GBF1: variants seen among roughly 807,000 people sequenced by gnomAD.
The protein encoded by GBF1 is golgi brefeldin A resistant guanine nucleotide exchange factor 1.
Under a neutral mutation model 210.5 loss-of-function variants are expected in GBF1, and 114 were observed. The ratio of observed to expected loss-of-function variants is 0.54; its 90% CI spans 0.47 to 0.63. GBF1 has a LOEUF of 0.63. Among genes scored for constraint, GBF1 ranks in the 30% least tolerant of loss-of-function variants. The pLI is 0.00. For missense variants in GBF1, 1,851 were observed against 2,357.7 expected, an observed-to-expected ratio of 0.79 and a Z score of 4.45; for synonymous variants, 850 against 889.2, an observed-to-expected ratio of 0.96 and a Z score of 0.78.
chr10:102,366,391 G>A lies in GBF1; in HGVS notation c.2318G>A (p.Ser773Asn). ...CCTTTCTTTCCCTATAGCACCTTCA[G>A]TTTTCAGGGTCTGCGACTGGACGAA... is the stretch of plus-strand genomic sequence containing the variant. ...DLLESFVSTF[S>N]FQGLRLDEAL... The change falls in exon 19 of 40, where the codon AGT becomes AAT. Residue 773 changes from serine to asparagine, a missense_variant. Around this residue, in one of 3 missense-constraint regions of GBF1, gnomAD observed 804 missense variants for 958.6 expected, o/e 0.84. Coordinates refer to ENST00000369983, the MANE Select transcript of GBF1 (RefSeq NM_001377137.1). The surrounding 1 kb of genome is among the most constrained non-coding windows in gnomAD (Gnocchi z 4.0). 2 of 1,614,060 alleles carry A rather than the reference G, an allele frequency of 1.2e-6. No homozygotes were observed. The highest frequency in any genetic ancestry group is 2.2e-5 in the South Asian group (2 of 91,082).
intron 3 of GBF1, among the ~76,000 whole-genome samples, chr10:102,296,383 A>G (rs555375115): frequency 6.6e-6 from 1 of 152,288 alleles, no homozygotes; most frequent in Non-Finnish European, 1.5e-5. Context: ...GATGATAGGG[A>G]TAAGAGATTC....
At chr10:102,272,458 T>C (rs1184259024) in intron 3 of GBF1, among the ~76,000 whole-genome samples, 4 of 152,216 alleles carry the variant, frequency 2.6e-5, no homozygotes, top group African/African-American at 9.6e-5. Context: ...GACTGCCATA[T>C]CTCCTAATTT....
At chr10:102,373,873 G>A (rs2060346501) in intron 29 of GBF1, among the ~76,000 whole-genome samples, 1 of 152,084 alleles carries the variant, frequency 6.6e-6, no homozygotes, top group Non-Finnish European at 1.5e-5. Context: ...AACTGGAATC[G>A]GCCCAGATGA....
intron 3 of GBF1, among the ~76,000 whole-genome samples, chr10:102,323,570 T>C (rs1052604014): frequency 4.0e-5 from 6 of 151,572 alleles, no homozygotes; most frequent in African/African-American, 9.7e-5. Context: ...CACTTTTTTT[T>C]CTGTCTTTTT....
At chr10:102,295,546 T>C (rs1333329441) in intron 3 of GBF1, among the ~76,000 whole-genome samples, 2 of 152,150 alleles carry the variant, frequency 1.3e-5, no homozygotes, top group African/African-American at 4.8e-5. Flanking sequence ...TGAAATGATA[T>C]GATAGGCAAG....
In GBF1 at chr10:102,358,770, T is replaced by C. The variant is rs1337352467; in HGVS notation, c.1011+41T>C. ...TTAATGTCCCTCTTCAGTATTCCACTGTGGGAAATGGCTTGATCCTTTGGA... is the reference window on the plus strand; with the variant it reads ...TTAATGTCCCTCTTCAGTATTCCACCGTGGGAAATGGCTTGATCCTTTGGA... On this transcript the variant is annotated intron_variant, in intron 10 of 39. Coordinates refer to ENST00000369983, the MANE Select transcript of GBF1 (RefSeq NM_001377137.1). 4 of 1,295,408 alleles carry C rather than the reference T, an allele frequency of 3.1e-6. No individual in the cohort carries two copies. In the East Asian group the frequency reaches 9.3e-5, roughly 30 times the overall value. 80.2% of individuals were successfully genotyped at this position (1,295,408 alleles called of 1,614,324 possible).
intron 35 of GBF1, 36 bp from the exon 36 acceptor site, chr10:102,379,817 C>T: frequency 6.5e-7 from 1 of 1,539,562 alleles, no homozygotes; most frequent in Admixed American, 1.7e-5. Context: ...CCTAGCTGAA[C>T]CTCATAGGGA....
chr10:102,252,310 C>T (rs1366056189), intron 1 of GBF1, among the ~76,000 whole-genome samples: 2 of 150,718 alleles, frequency 1.3e-5, no homozygotes, highest in African/African-American at 4.9e-5. Context: ...TGCACTCCAG[C>T]CTGGGCAACA....
chr10:102,281,642 T>C (rs2075494723), intron 3 of GBF1, among the ~76,000 whole-genome samples: 2 of 150,392 alleles, frequency 1.3e-5, no homozygotes, highest in Non-Finnish European at 3.0e-5. Flanking sequence ...AACATATTTA[T>C]AGAAGAGTTG....
intron 3 of GBF1, among the ~76,000 whole-genome samples, chr10:102,284,537 T>G (rs1483653623): frequency 6.6e-6 from 1 of 152,256 alleles, no homozygotes; most frequent in African/African-American, 2.4e-5. Context: ...TATGTCTGGC[T>G]TCTTTCTCTT....
intron 3 of GBF1, among the ~76,000 whole-genome samples, chr10:102,319,728 CT>C (rs546103797): frequency 0.035 from 4,680 of 133,088 alleles, 43 homozygotes; most frequent in Middle Eastern, 0.062. Context: ...CTTTTTCTTT[CT>C]TTTTTTTTTT....
intron 3 of GBF1, among the ~76,000 whole-genome samples, chr10:102,320,795 C>CT (rs879719325): frequency 2.1e-4 from 30 of 145,142 alleles, no homozygotes; most frequent in Admixed American, 2.8e-4. Context: ...ATTTTTAATT[C>CT]TTTTTTTTTT....
intron 3 of GBF1, among the ~76,000 whole-genome samples, chr10:102,328,826 C>T (rs973196767): frequency 6.6e-6 from 1 of 152,046 alleles, no homozygotes; most frequent in Non-Finnish European, 1.5e-5. Flanking sequence ...GTAGAGAAGA[C>T]CTGACATAGT....
chr10:102,230,682 CGCG>C, the GBF1 span: 127 of 1,575,464 alleles, frequency 8.1e-5, no homozygotes, highest in East Asian at 1.9e-4. Flanking sequence ...AGGCGGCAGC[CGCG>C]GCGGCGGCGG....
intron 3 of GBF1, among the ~76,000 whole-genome samples, chr10:102,311,955 A>G (rs946183451): frequency 1.3e-5 from 2 of 152,136 alleles, no homozygotes; most frequent in Non-Finnish European, 2.9e-5. Flanking sequence ...CCACTTTTAA[A>G]TATCTCTTCT....
intron 1 of GBF1, among the ~76,000 whole-genome samples, chr10:102,255,333 G>A (rs1015883403): frequency 2.6e-5 from 4 of 152,020 alleles, no homozygotes; most frequent in South Asian, 2.1e-4. Context: ...GAACCACTGC[G>A]CCCAGCCCTA....
intron 3 of GBF1, among the ~76,000 whole-genome samples, chr10:102,290,055 T>C (rs2076306473): frequency 1.3e-5 from 2 of 152,072 alleles, no homozygotes; most frequent in Admixed American, 1.3e-4. Flanking sequence ...AGACTTCAAG[T>C]GAGCCATAAT....
At chr10:102,330,772 G>T (rs977954778) in intron 3 of GBF1, among the ~76,000 whole-genome samples, 1 of 152,154 alleles carries the variant, frequency 6.6e-6, no homozygotes, top group Non-Finnish European at 1.5e-5. Context: ...AATGAAATGG[G>T]ATTCTTGTGA....
intron 11 of GBF1, 56 bp downstream of exon 11, chr10:102,359,491 G>T: frequency 7.5e-7 from 1 of 1,341,324 alleles, no homozygotes; most frequent in East Asian, 2.3e-5. Flanking sequence ...CTACTAAGCT[G>T]CCTGAGCCTA....
Sources: gnomAD v4.1 joint callset for allele counts (sites outside exome capture counted in the v4.1 genomes callset) on GRCh38, gnomAD v4.1.1 for gene constraint, gnomAD v4.1.1 regional missense constraint, Gnocchi (gnomAD v3.1) non-coding constraint, MANE v1.5 for transcripts, NCBI Gene and HGNC (gene_info 2026-07-23, HGNC 2026-07-21) for gene names.